The following PABPC4L variants were observed in gnomAD, a reference collection of about 807,000 sequenced individuals.
PABPC4L encodes poly(A) binding protein cytoplasmic 4 like.
For missense variants in PABPC4L, 452 were observed against 451.4 expected (o/e 1.00, Z -0.01); for synonymous variants, 169 against 164.1 (o/e 1.03, Z -0.23).
At chr4:134,162,401 C>T in the PABPC4L span, among the ~76,000 whole-genome samples, 8 of 151,886 alleles carry the variant, frequency 5.3e-5, no homozygotes, top group Non-Finnish European at 1.2e-4. Flanking sequence ...AGATAGACAC[C>T]AACACAATAA....
the PABPC4L span, among the ~76,000 whole-genome samples, chr4:133,998,499 A>G: frequency 6.6e-6 from 1 of 152,026 alleles, no homozygotes; most frequent in Non-Finnish European, 1.5e-5. Context: ...CACCTTTATA[A>G]TAAGCTTTGC....
At chr4:134,002,598 T>C in the PABPC4L span, among the ~76,000 whole-genome samples, 1 of 152,036 alleles carries the variant, frequency 6.6e-6, no homozygotes, top group Admixed American at 6.6e-5. Context: ...TTATATTACC[T>C]ATTTTCCTTG....
chr4:134,032,314 T>C, the PABPC4L span, among the ~76,000 whole-genome samples: 1 of 151,892 alleles, frequency 6.6e-6, no homozygotes. Flanking sequence ...TTCTTTTCTA[T>C]ATTTATCAAG....
the PABPC4L span, among the ~76,000 whole-genome samples, chr4:133,985,892 T>C: frequency 6.6e-6 from 1 of 152,192 alleles, no homozygotes; most frequent in South Asian, 2.1e-4. Flanking sequence ...CTGATTAAGG[T>C]TTCCAAAGCT....
the PABPC4L span, among the ~76,000 whole-genome samples, chr4:134,015,166 G>A: frequency 4.6e-5 from 7 of 151,930 alleles, no homozygotes; most frequent in East Asian, 1.9e-4. Flanking sequence ...ATCCCATCCC[G>A]CAGTGCGCTT....
chr4:134,138,016 T>C, the PABPC4L span, among the ~76,000 whole-genome samples: 10 of 151,826 alleles, frequency 6.6e-5, no homozygotes, highest in Non-Finnish European at 1.2e-4. Context: ...ATTTTTCCAT[T>C]TATTTATATG....
the PABPC4L span, among the ~76,000 whole-genome samples, chr4:134,095,309 A>G: frequency 6.6e-6 from 1 of 152,004 alleles, no homozygotes; most frequent in Non-Finnish European, 1.5e-5. Flanking sequence ...AGTATTATAA[A>G]ATGAAATATT....
chr4:133,952,774 C>A, the PABPC4L span, among the ~76,000 whole-genome samples: 1 of 152,098 alleles, frequency 6.6e-6, no homozygotes, highest in African/African-American at 2.4e-5. Context: ...TACTCCTAAT[C>A]CTAAACCTAA....
At chr4:134,114,166 T>C in the PABPC4L span, among the ~76,000 whole-genome samples, 1 of 151,564 alleles carries the variant, frequency 6.6e-6, no homozygotes, top group Non-Finnish European at 1.5e-5. Context: ...ATTTTGGAGT[T>C]CACCAGGAGC....
At chr4:134,127,072 A>T in the PABPC4L span, among the ~76,000 whole-genome samples, 2 of 152,088 alleles carry the variant, frequency 1.3e-5, no homozygotes, top group South Asian at 2.1e-4. Flanking sequence ...CCCTGGGAAC[A>T]TAACTCTATT....
the PABPC4L span, among the ~76,000 whole-genome samples, chr4:134,123,211 G>A: frequency 6.6e-6 from 1 of 152,052 alleles, no homozygotes. Flanking sequence ...ACTCATGCCT[G>A]AATTAAGGTT....
At chr4:133,953,775 C>A in the PABPC4L span, among the ~76,000 whole-genome samples, 1 of 152,166 alleles carries the variant, frequency 6.6e-6, no homozygotes, top group Non-Finnish European at 1.5e-5. Context: ...GATGCTCTCT[C>A]TCCCAAATGA....
chr4:134,026,933 G>A, the PABPC4L span, among the ~76,000 whole-genome samples: 1 of 151,842 alleles, frequency 6.6e-6, no homozygotes, highest in Admixed American at 6.6e-5. Context: ...GGAACTGGCT[G>A]TCTTCATACC....
the PABPC4L span, among the ~76,000 whole-genome samples, chr4:134,112,486 C>G: frequency 1.3e-5 from 2 of 151,978 alleles, no homozygotes; most frequent in South Asian, 4.1e-4. Flanking sequence ...ATCTACTCAA[C>G]TTATAATAAT....
chr4:133,955,084 G>A, the PABPC4L span, among the ~76,000 whole-genome samples: 7 of 151,716 alleles, frequency 4.6e-5, no homozygotes, highest in Admixed American at 4.6e-4. Context: ...TAATAACACA[G>A]AAACATGAGA....
At chr4:134,007,274 T>G in the PABPC4L span, among the ~76,000 whole-genome samples, 1 of 151,800 alleles carries the variant, frequency 6.6e-6, no homozygotes, top group South Asian at 2.1e-4. Context: ...ATTGAAAGTT[T>G]TTATCTAATT....
At chr4:134,144,724 GC>G in the PABPC4L span, among the ~76,000 whole-genome samples, 1 of 151,562 alleles carries the variant, frequency 6.6e-6, no homozygotes, top group African/African-American at 2.4e-5. Flanking sequence ...TTCAGGATTT[GC>G]CTTTAGATCT....
At chr4:134,131,778 A>G in the PABPC4L span, among the ~76,000 whole-genome samples, 1 of 151,220 alleles carries the variant, frequency 6.6e-6, no homozygotes, top group Non-Finnish European at 1.5e-5. Context: ...AGAAAAAAGA[A>G]CAATTCTGGA....
the PABPC4L span, among the ~76,000 whole-genome samples, chr4:134,029,429 G>A: frequency 6.6e-6 from 1 of 151,882 alleles, no homozygotes; most frequent in Admixed American, 6.6e-5. Flanking sequence ...GAGCTAAGTA[G>A]GACATATTTC....
Sources: allele counts gnomAD v4.1 joint callset (sites outside exome capture counted in the v4.1 genomes callset), GRCh38; gene constraint gnomAD v4.1.1; transcripts MANE v1.5; gene names NCBI Gene and HGNC (gene_info 2026-07-23, HGNC 2026-07-21).